The following KYNU variants were observed in gnomAD, a reference collection of about 807,000 sequenced individuals.
The protein encoded by KYNU is kynureninase, also known as L-kynurenine hydrolase.
A neutral mutation model predicts 59.2 loss-of-function variants in KYNU; 54 were observed. The ratio of observed to expected loss-of-function variants is 0.91; its 90% confidence interval spans 0.73 to 1.14. The LOEUF is 1.14. Among genes scored for constraint, KYNU ranks in the 50% most tolerant of loss-of-function variants. The pLI, the probability that KYNU is intolerant of heterozygous loss-of-function variation, is 0.00. For synonymous variants in KYNU, 177 were observed against 192.0 expected, an observed-to-expected ratio of 0.92 and a Z score of 0.65; for missense variants, 567 against 554.4, an observed-to-expected ratio of 1.02 and a Z score of -0.23.
intron 10 of KYNU, among the ~76,000 whole-genome samples, chr2:143,003,249 A>C (rs995850335): frequency 2.0e-5 from 3 of 152,214 alleles, no homozygotes; most frequent in African/African-American, 7.2e-5. Flanking sequence ...TCCAATCCTG[A>C]TTCTGATATT....
At chr2:142,899,372 G>A (rs1311892991) in intron 2 of KYNU, among the ~76,000 whole-genome samples, 1 of 152,064 alleles carries the variant, frequency 6.6e-6, no homozygotes, top group Non-Finnish European at 1.5e-5. Context: ...TTTACTACCC[G>A]ATTGGTCAGG....
At chr2:142,965,690 A>ATGACTCAC (rs1340135604) in intron 8 of KYNU, among the ~76,000 whole-genome samples, 4 of 152,194 alleles carry the variant, frequency 2.6e-5, no homozygotes, top group Admixed American at 6.5e-5. Context: ...ATTCCTGCTA[A>ATGACTCAC]TGACTCACTG....
rs569082856 is a variant in KYNU, at chr2:143,007,067, G to C, written c.902+21046G>C. Among the ~76,000 whole-genome samples, 207 of 152,246 alleles carry C rather than the reference G, an allele frequency of 1.4e-3. 1 individual carries two copies. Among genetic ancestry groups the C allele is most frequent in the Admixed American group, 5.0e-3 (76 of 15,300 alleles). ...ACAAAGCTGGATGGAGAATGACTTT[G>C]ACGAGCTGAGAGAAGAAGGCTTCAG... is the stretch of plus-strand genomic sequence containing the variant. On this transcript the variant is annotated intron_variant, in intron 10 of 13. Transcript: ENST00000264170.
intron 10 of KYNU, among the ~76,000 whole-genome samples, chr2:143,002,839 T>C (rs1446302930): frequency 6.6e-6 from 1 of 152,240 alleles, no homozygotes; most frequent in African/African-American, 2.4e-5. Context: ...AAATTTCATA[T>C]ATTATCTTTG....
intron 2 of KYNU, among the ~76,000 whole-genome samples, chr2:142,897,736 G>A (rs1235512945): frequency 6.6e-6 from 1 of 151,904 alleles, no homozygotes; most frequent in East Asian, 1.9e-4. Context: ...TTTCTCAAAT[G>A]AACAGTCATA....
In KYNU at chr2:143,033,308, A is replaced by G. The variant is rs749333966; in HGVS notation, c.1028A>G (p.His343Arg). ...CCCATTTTGTTGGTCTGTTCCTTGCATGCTAGTTTAGAGGTAAGTGATGTG... is the reference window on the plus strand; with the variant it reads ...CCCATTTTGTTGGTCTGTTCCTTGCGTGCTAGTTTAGAGGTAAGTGATGTG... ...NPPILLVCSL[H>R]ASLEIFKQAT... is the part of the protein sequence containing the mutation. Residue 343 changes from histidine to arginine, a missense_variant, in exon 12 of 14, where the codon CAT (histidine) becomes CGT (arginine). Physicochemically the swap from His to Arg is conservative, Grantham distance 29 (BLOSUM62 0). Transcript: ENST00000264170. 4.3e-6 allele frequency: 7 copies of G among 1,612,892 alleles called. No homozygotes were observed. The highest frequency in any genetic ancestry group is 5.9e-6 in the Non-Finnish European group (7 of 1,178,876).
intron 4 of KYNU, among the ~76,000 whole-genome samples, chr2:142,943,938 G>C (rs554477803): frequency 6.6e-6 from 1 of 152,258 alleles, no homozygotes; most frequent in African/African-American, 2.4e-5. Context: ...GCAGTTATGA[G>C]ACCCGTAATG....
At chr2:143,026,644 G>A (rs1007365494) in intron 10 of KYNU, among the ~76,000 whole-genome samples, 2 of 152,236 alleles carry the variant, frequency 1.3e-5, no homozygotes, top group African/African-American at 4.8e-5. Flanking sequence ...CGGCAGGATT[G>A]AACTCCATGC....
At chr2:142,947,040 A>T (rs1041318597) in intron 4 of KYNU, 3 of 1,546,922 alleles carry the variant, frequency 1.9e-6, no homozygotes, top group South Asian at 1.2e-5. Flanking sequence ...GCTGATTCTC[A>T]CCTCACCCTT....
chr2:142,918,180 A>AT (rs889640709), intron 2 of KYNU, among the ~76,000 whole-genome samples: 6 of 152,190 alleles, frequency 3.9e-5, no homozygotes, highest in African/African-American at 1.2e-4. Context: ...AATTATTTGC[A>AT]TTTTTTAAAA....
Position 143,047,885 on chromosome 2 carries a change from GTCTC to G in KYNU, c.*5719_*5722del, listed in dbSNP as rs1463169029. On this transcript the variant is annotated 3_prime_UTR_variant, in exon 14 of 14. Coordinates refer to ENST00000264170, the MANE Select transcript of KYNU (RefSeq NM_003937.3). ...TTTTTTTTTTTTTTTTTTTGAGGCA[GTCTC>G]TCTCTGTCACCCAGGCTGGAGTATA... 1 of 111,786 alleles carries G rather than the reference GTCTC, an allele frequency of 8.9e-6. No individual in the cohort carries two copies. The highest frequency in any genetic ancestry group is 3.6e-5 in the African/African-American group (1 of 27,798). 6.9% of individuals were successfully genotyped at this position (111,786 alleles called of 1,614,324 possible).
At chr2:143,020,424 A>G (rs1158308320) in intron 10 of KYNU, among the ~76,000 whole-genome samples, 1 of 152,036 alleles carries the variant, frequency 6.6e-6, no homozygotes, top group Non-Finnish European at 1.5e-5. Flanking sequence ...ATTTCCATGT[A>G]TTTGTACAGT....
At chr2:142,934,203 A>T (rs1683314126) in intron 4 of KYNU, among the ~76,000 whole-genome samples, 1 of 152,032 alleles carries the variant, frequency 6.6e-6, no homozygotes, top group South Asian at 2.1e-4. Flanking sequence ...TGCTTGGGAG[A>T]TGGGATACTG....
At chr2:142,934,529 A>G (rs193293464) in intron 4 of KYNU, among the ~76,000 whole-genome samples, 1 of 152,238 alleles carries the variant, frequency 6.6e-6, no homozygotes, top group African/African-American at 2.4e-5. Context: ...AGGGAGCAGA[A>G]AAGTGGAGGG....
In KYNU at chr2:143,055,580, C is replaced by G. The variant is rs775562968; in HGVS notation, c.*13408C>G. ...TGCCATATAATGTAAAATATTCATA[C>G]CTCTAAGGATTAGGACATGGACATC... On this transcript the variant is annotated 3_prime_UTR_variant, in exon 14 of 14. Coordinates refer to ENST00000264170, the MANE Select transcript of KYNU (RefSeq NM_003937.3). The G allele has an allele frequency of 6.6e-6, 1 of 150,810 alleles. No individual in the cohort carries two copies. The highest frequency in any genetic ancestry group is 1.5e-5 in the Non-Finnish European group (1 of 67,886). The allele number at this position is 150,810 out of a possible 1,614,324, so 9.3% of individuals were successfully genotyped here. A position where few individuals can be genotyped will look rare whatever the true frequency, so the allele number is the denominator to read the frequency against.
At chr2:142,906,979 A>G (rs1352091371) in intron 2 of KYNU, among the ~76,000 whole-genome samples, 1 of 152,232 alleles carries the variant, frequency 6.6e-6, no homozygotes, top group African/African-American at 2.4e-5. Context: ...CTGAGTCTTT[A>G]GTCCGGTGGC....
chr2:142,879,260 C>A (rs897117610), intron 1 of KYNU, among the ~76,000 whole-genome samples: 1 of 152,132 alleles, frequency 6.6e-6, no homozygotes, highest in African/African-American at 2.4e-5. Flanking sequence ...ATATTTGAGA[C>A]CATGCGAAGT....
At chr2:142,897,963 G>T (rs2104938295) in intron 2 of KYNU, among the ~76,000 whole-genome samples, 1 of 152,142 alleles carries the variant, frequency 6.6e-6, no homozygotes, top group Admixed American at 6.5e-5. Context: ...ATGCAGTGGT[G>T]CTGTCAGAGC....
intron 10 of KYNU, among the ~76,000 whole-genome samples, chr2:142,995,741 G>A (rs1323202025): frequency 1.3e-5 from 2 of 152,010 alleles, no homozygotes; most frequent in Non-Finnish European, 2.9e-5. Flanking sequence ...TTTGTCATTA[G>A]TACCTTTGAA....
Sources: allele counts gnomAD v4.1 joint callset (sites outside exome capture counted in the v4.1 genomes callset), GRCh38; gene constraint gnomAD v4.1.1; transcripts MANE v1.5; gene names NCBI Gene and HGNC (gene_info 2026-07-23, HGNC 2026-07-21).